Variants in QTMAN observed in about 807,000 individuals in gnomAD.
QTMAN encodes the protein tRNA-queuosine alpha-mannosyltransferase.
At chr2:144,092,496 A>T in the QTMAN span, among the ~76,000 whole-genome samples, 1 of 152,298 alleles carries the variant, frequency 6.6e-6, no homozygotes, top group East Asian at 1.9e-4. Context: ...TCTTATATGT[A>T]GTTTACTGTC....
the QTMAN span, among the ~76,000 whole-genome samples, chr2:144,068,672 G>A: frequency 1.3e-5 from 2 of 152,148 alleles, no homozygotes; most frequent in Non-Finnish European, 2.9e-5. Flanking sequence ...GATGGATTGT[G>A]ATGTTTATAG....
the QTMAN span, among the ~76,000 whole-genome samples, chr2:144,297,216 T>C: frequency 6.6e-6 from 1 of 152,172 alleles, no homozygotes; most frequent in Non-Finnish European, 1.5e-5. Flanking sequence ...ACAATTATCA[T>C]TACTCTGTCA....
At chr2:144,222,655 A>G in the QTMAN span, among the ~76,000 whole-genome samples, 3 of 151,874 alleles carry the variant, frequency 2.0e-5, no homozygotes, top group Non-Finnish European at 2.9e-5. Flanking sequence ...AAATACAAAA[A>G]AAATTAGCCA....
At chr2:144,129,867 A>G in the QTMAN span, among the ~76,000 whole-genome samples, 1 of 152,016 alleles carries the variant, frequency 6.6e-6, no homozygotes, top group Non-Finnish European at 1.5e-5. Flanking sequence ...ATATTTTATA[A>G]CTAGTTTCAT....
the QTMAN span, among the ~76,000 whole-genome samples, chr2:144,021,097 G>A: frequency 6.6e-6 from 1 of 151,040 alleles, no homozygotes; most frequent in African/African-American, 2.4e-5. Flanking sequence ...AAAAATATAA[G>A]AAATTTATTT....
chr2:144,072,255 G>C, the QTMAN span, among the ~76,000 whole-genome samples: 4 of 152,110 alleles, frequency 2.6e-5, no homozygotes, highest in Non-Finnish European at 4.4e-5. Context: ...GAAAAGAGGT[G>C]TATTTCACAT....
chr2:143,965,277 G>A, the QTMAN span, among the ~76,000 whole-genome samples: 1 of 152,060 alleles, frequency 6.6e-6, no homozygotes, highest in East Asian at 1.9e-4. Flanking sequence ...TGTCTCCTAT[G>A]GATCCAAAAT....
chr2:144,062,185 C>A, the QTMAN span, among the ~76,000 whole-genome samples: 1 of 152,182 alleles, frequency 6.6e-6, no homozygotes, highest in Admixed American at 6.5e-5. Flanking sequence ...CTGTAACACC[C>A]CTAGACCCTG....
the QTMAN span, among the ~76,000 whole-genome samples, chr2:144,002,511 G>C: frequency 2.0e-5 from 3 of 151,940 alleles, no homozygotes; most frequent in African/African-American, 7.2e-5. Flanking sequence ...GGGAACATTA[G>C]AATTTTGAAA....
At chr2:144,203,155 G>GT in the QTMAN span, among the ~76,000 whole-genome samples, 3 of 89,718 alleles carry the variant, frequency 3.3e-5, no homozygotes, top group Admixed American at 3.1e-4. Context: ...TGAAGAGTGT[G>GT]TGTGTGTGTG....
the QTMAN span, among the ~76,000 whole-genome samples, chr2:144,222,781 C>G: frequency 2.0e-5 from 3 of 152,034 alleles, no homozygotes; most frequent in Non-Finnish European, 1.5e-5. Flanking sequence ...GCATTCCAGC[C>G]TAGGCGACAG....
At chr2:144,051,471 G>A in the QTMAN span, among the ~76,000 whole-genome samples, 1 of 152,120 alleles carries the variant, frequency 6.6e-6, no homozygotes, top group Non-Finnish European at 1.5e-5. Context: ...AGTGAACGAT[G>A]ATCATGCTAC....
the QTMAN span, among the ~76,000 whole-genome samples, chr2:144,208,155 T>A: frequency 6.6e-6 from 1 of 152,132 alleles, no homozygotes; most frequent in Non-Finnish European, 1.5e-5. Flanking sequence ...CACTTCCAGT[T>A]TGTCACAATC....
the QTMAN span, among the ~76,000 whole-genome samples, chr2:144,146,594 A>G: frequency 6.6e-6 from 1 of 151,788 alleles, no homozygotes; most frequent in Middle Eastern, 3.2e-3. Context: ...GCTGCCTGTA[A>G]TAGAGACATA....
chr2:144,204,213 T>TA, the QTMAN span, among the ~76,000 whole-genome samples: 2 of 152,182 alleles, frequency 1.3e-5, no homozygotes, highest in South Asian at 4.1e-4. Context: ...ACAGGCAACC[T>TA]AAAGAATGGG....
the QTMAN span, among the ~76,000 whole-genome samples, chr2:144,122,741 A>T: frequency 6.6e-6 from 1 of 152,202 alleles, no homozygotes; most frequent in Non-Finnish European, 1.5e-5. Flanking sequence ...CACGTATTTT[A>T]TCAGTGGTCC....
At chr2:144,180,807 G>C in the QTMAN span, among the ~76,000 whole-genome samples, 26 of 152,204 alleles carry the variant, frequency 1.7e-4, no homozygotes, top group African/African-American at 6.0e-4. Flanking sequence ...TGAAGTGTTT[G>C]ATCAGTGATA....
chr2:144,281,723 G>C, the QTMAN span, among the ~76,000 whole-genome samples: 2 of 152,300 alleles, frequency 1.3e-5, no homozygotes, highest in Non-Finnish European at 1.5e-5. Flanking sequence ...TAGCATGCTT[G>C]CATATAGACC....
the QTMAN span, among the ~76,000 whole-genome samples, chr2:144,297,147 C>T: frequency 6.6e-6 from 1 of 152,176 alleles, no homozygotes; most frequent in East Asian, 1.9e-4. Context: ...TCATGAAAAT[C>T]TTCAATTATA....
Sources: allele counts gnomAD v4.1 joint callset (sites outside exome capture counted in the v4.1 genomes callset), GRCh38; gene constraint gnomAD v4.1.1; transcripts MANE v1.5; gene names NCBI Gene and HGNC (gene_info 2026-07-23, HGNC 2026-07-21).